TRPM3: variants seen among roughly 807,000 people sequenced by gnomAD.
The protein encoded by TRPM3 is transient receptor potential cation channel subfamily M member 3.
In TRPM3, 77 loss-of-function variants were observed where a neutral mutation model predicts 181.2. That is an observed-to-expected ratio of 0.42 (90% CI 0.35 to 0.51). TRPM3 has a LOEUF of 0.51. Among genes scored for constraint, TRPM3 ranks in the 20% least tolerant of loss-of-function variants. TRPM3 has a pLI of 0.01. For missense variants in TRPM3, 1,759 were observed against 2,196.7 expected (o/e 0.80, Z 3.98); for synonymous variants, 745 against 796.4 (o/e 0.94, Z 1.09).
At chr9:71,083,961 C>T (rs1291472906) in intron 1 of TRPM3, among the ~76,000 whole-genome samples, 1 of 151,850 alleles carries the variant, frequency 6.6e-6, no homozygotes, top group Non-Finnish European at 1.5e-5. Flanking sequence ...TGGCATAGGG[C>T]ATCCGAACAT....
chr9:71,048,571 T>C, intron 1 of TRPM3, among the ~76,000 whole-genome samples: 1 of 152,248 alleles, frequency 6.6e-6, no homozygotes, highest in Non-Finnish European at 1.5e-5. Flanking sequence ...AACTCTTGAC[T>C]GGTTCTGTTC....
At chr9:71,008,494 T>C (rs1056569169) in intron 1 of TRPM3, among the ~76,000 whole-genome samples, 6 of 152,024 alleles carry the variant, frequency 3.9e-5, no homozygotes, top group Non-Finnish European at 7.4e-5. Flanking sequence ...CAGATGAACA[T>C]AGATGCAAAA....
At chr9:70,865,292 C>G (rs1376248068) in intron 1 of TRPM3, 1 of 152,054 alleles carries the variant, frequency 6.6e-6, no homozygotes, top group Non-Finnish European at 1.5e-5. Context: ...TGTACAATCT[C>G]TGTTCCAAAG....
chr9:70,829,784 A>T (rs972631973), intron 5 of TRPM3, among the ~76,000 whole-genome samples: 1 of 152,150 alleles, frequency 6.6e-6, no homozygotes, highest in Non-Finnish European at 1.5e-5. Flanking sequence ...GTCCCCCGAA[A>T]CACAGAGACA....
chr9:70,564,138 T>A (rs749261035), intron 22 of TRPM3, among the ~76,000 whole-genome samples: 4 of 152,228 alleles, frequency 2.6e-5, no homozygotes, highest in Non-Finnish European at 5.9e-5. Flanking sequence ...TGTGTTTAAC[T>A]CAGTTTTACT....
chr9:71,425,743 T>A (rs1316263861), intron 1 of TRPM3, among the ~76,000 whole-genome samples: 2 of 152,206 alleles, frequency 1.3e-5, no homozygotes, highest in Non-Finnish European at 2.9e-5. Flanking sequence ...GTTCCCATCA[T>A]GCATAGAATA....
intron 1 of TRPM3, among the ~76,000 whole-genome samples, chr9:71,398,297 G>T (rs540841596): frequency 6.6e-6 from 1 of 152,154 alleles, no homozygotes; most frequent in South Asian, 2.1e-4. Flanking sequence ...TTTTAAGTTT[G>T]TCTTCATCTA....
intron 5 of TRPM3, among the ~76,000 whole-genome samples, chr9:70,838,624 G>A (rs2094460189): frequency 6.6e-6 from 1 of 152,156 alleles, no homozygotes; most frequent in Non-Finnish European, 1.5e-5. Flanking sequence ...AGATGTCCTG[G>A]TGGAAGTGAG....
In TRPM3 at chr9:70,789,240, TA is replaced by T. The variant is rs573900548; in HGVS notation, c.974-4962del. On this transcript the variant is annotated intron_variant, in intron 6 of 25. Transcript: ENST00000677713. ...AATGCTACATTTTTTATTTGTGACA[TA>T]AAGAAAACATTTTGGGAATCCACTG... Among the ~76,000 whole-genome samples the T allele has an allele frequency of 1.3e-3, 198 of 152,290 alleles. 1 individual carries two copies. Among genetic ancestry groups the T allele is most frequent in the African/African-American group, 4.6e-3 (190 of 41,570 alleles).
chr9:70,592,405 G>C (rs921407318), intron 21 of TRPM3, among the ~76,000 whole-genome samples: 4 of 152,170 alleles, frequency 2.6e-5, no homozygotes, highest in African/African-American at 9.7e-5. Flanking sequence ...TGTATCTGAC[G>C]CTGAGTTCTC....
At chr9:71,228,982 G>C (rs1345367091) in intron 1 of TRPM3, among the ~76,000 whole-genome samples, 1 of 152,000 alleles carries the variant, frequency 6.6e-6, no homozygotes, top group Non-Finnish European at 1.5e-5. Context: ...AAATTTGTGT[G>C]GAATCACTTA....
At chr9:71,438,647 T>C (rs1296471891) in intron 1 of TRPM3, among the ~76,000 whole-genome samples, 1 of 152,222 alleles carries the variant, frequency 6.6e-6, no homozygotes, top group Admixed American at 6.5e-5. Context: ...CACCCCAGCC[T>C]GGGCGATAGA....
chr9:71,408,016 G>A (rs543896287), intron 1 of TRPM3, among the ~76,000 whole-genome samples: 4 of 152,286 alleles, frequency 2.6e-5, no homozygotes, highest in African/African-American at 9.6e-5. Context: ...GGTCCTGACT[G>A]TTAGAAGGAA....
chr9:70,847,274 C>T (rs1434778587), intron 3 of TRPM3, among the ~76,000 whole-genome samples: 1 of 152,010 alleles, frequency 6.6e-6, no homozygotes, highest in Non-Finnish European at 1.5e-5. Flanking sequence ...TAAATACATG[C>T]AGTAATAATT....
chr9:70,793,229 G>A (rs2085973139), intron 6 of TRPM3, among the ~76,000 whole-genome samples: 2 of 152,052 alleles, frequency 1.3e-5, no homozygotes, highest in Non-Finnish European at 2.9e-5. Context: ...CGAGGCGGGA[G>A]GATCATTTGA....
chr9:71,437,253 C>T (rs562465905), intron 1 of TRPM3, among the ~76,000 whole-genome samples: 106 of 152,254 alleles, frequency 7.0e-4, no homozygotes, highest in African/African-American at 2.4e-3. Flanking sequence ...AAAGGAAAGA[C>T]AGAATCATAA....
intron 1 of TRPM3, among the ~76,000 whole-genome samples, chr9:71,278,153 G>A (rs1179569194): frequency 3.3e-5 from 5 of 152,190 alleles, no homozygotes. Flanking sequence ...TACAATTTCA[G>A]TAAAAGGAAC....
At chr9:70,957,954 A>G (rs35851123) in intron 1 of TRPM3, among the ~76,000 whole-genome samples, 31,637 of 152,228 alleles carry the variant, frequency 0.21, 3,359 homozygotes, top group East Asian at 0.29. Context: ...TTCCCTGGAC[A>G]TACGCTCTGA....
chr9:71,175,356 C>A (rs2077054941), intron 1 of TRPM3, among the ~76,000 whole-genome samples: 1 of 152,138 alleles, frequency 6.6e-6, no homozygotes, highest in Non-Finnish European at 1.5e-5. Context: ...GGTGAGAGAA[C>A]AAGAGCTGAG....
Sources: allele counts gnomAD v4.1 joint callset (sites outside exome capture counted in the v4.1 genomes callset), GRCh38; gene constraint gnomAD v4.1.1; transcripts MANE v1.5; gene names NCBI Gene and HGNC (gene_info 2026-07-23, HGNC 2026-07-21).